The following UBR7 variants were observed in gnomAD, a reference collection of about 807,000 sequenced individuals.
UBR7 encodes the protein ubiquitin protein ligase E3 component n-recognin 7.
Under a neutral mutation model 57.0 loss-of-function variants are expected in UBR7, and 22 were observed. That is an observed-to-expected ratio of 0.39 (90% confidence interval 0.28 to 0.55). The LOEUF (loss-of-function observed/expected upper bound fraction) is 0.55, where lower values mean the gene tolerates loss of function less well. UBR7 is among the 20% of genes least tolerant of loss of function. UBR7 has a pLI of 0.69. For missense variants in UBR7, 395 were observed against 513.2 expected, an observed-to-expected ratio of 0.77 and a Z score of 2.23; for synonymous variants, 167 against 179.8, an observed-to-expected ratio of 0.93 and a Z score of 0.57.
intron 1 of UBR7, among the ~76,000 whole-genome samples, chr14:93,208,571 AAAT>A (rs1458116925): frequency 2.1e-4 from 32 of 152,176 alleles, no homozygotes; most frequent in African/African-American, 7.5e-4. Context: ...GTAAAAAAAA[AAAT>A]ACGGAAATTT....
At chr14:93,223,872 C>T (rs1894771937) in intron 10 of UBR7, 4 of 740,816 alleles carry the variant, frequency 5.4e-6, no homozygotes, top group Non-Finnish European at 9.9e-6. Context: ...TTGGGGGCGC[C>T]GCTCCGGGAG....
chr14:93,212,686 G>T (rs1346929353), intron 4 of UBR7, among the ~76,000 whole-genome samples: 1 of 152,136 alleles, frequency 6.6e-6, no homozygotes, highest in African/African-American at 2.4e-5. Flanking sequence ...TGAAAATTCT[G>T]TACACTCACT....
chr14:93,221,069 T>C, intron 9 of UBR7, among the ~76,000 whole-genome samples: 1 of 150,358 alleles, frequency 6.7e-6, no homozygotes, highest in Non-Finnish European at 1.5e-5. Flanking sequence ...CCTCAGTCTC[T>C]CAAGTAGCTG....
chr14:93,223,431 C>T (rs73340037), intron 10 of UBR7, among the ~76,000 whole-genome samples: 93 of 149,134 alleles, frequency 6.2e-4, no homozygotes, highest in African/African-American at 2.2e-3. Flanking sequence ...GGCATGGCGG[C>T]TTGTACCTGT....
At chr14:93,218,036 A>G (rs1009530587) in intron 6 of UBR7, among the ~76,000 whole-genome samples, 3 of 148,324 alleles carry the variant, frequency 2.0e-5, no homozygotes, top group Admixed American at 6.7e-5. Context: ...GGGGGTTGCA[A>G]TGAGCCAAGA....
At chr14:93,223,663 G>A (rs371313985) in intron 10 of UBR7, 4 of 1,381,698 alleles carry the variant, frequency 2.9e-6, no homozygotes, top group Non-Finnish European at 4.0e-6. Context: ...GGACCCGGTG[G>A]GGCAGCGGGA....
intron 7 of UBR7, 125 bp downstream of exon 7, chr14:93,218,860 G>T: frequency 9.9e-7 from 1 of 1,005,592 alleles, no homozygotes; most frequent in Admixed American, 2.6e-5. Context: ...TTTGAGACCA[G>T]CCTTGGCAAC....
chr14:93,227,473 C>T lies in UBR7; in HGVS notation c.*438C>T, dbSNP rs1449287902. ...CACCTAGAACCTCTACAGGTCCCCTCGCCCCTATGATCGTGGTGCCTTGGG... is the reference window on the plus strand; with the variant it reads ...CACCTAGAACCTCTACAGGTCCCCTTGCCCCTATGATCGTGGTGCCTTGGG... On this transcript the variant is annotated 3_prime_UTR_variant, in exon 11 of 11. Transcript: ENST00000013070. 1.4e-5 allele frequency: 10 copies of T among 691,030 alleles called. No homozygotes were observed. The highest frequency in any genetic ancestry group is 3.7e-4 in the Middle Eastern group (1 of 2,698). 42.8% of individuals were successfully genotyped at this position (691,030 alleles called of 1,614,324 possible).
In UBR7 at chr14:93,228,466, G is replaced by A. The variant is rs1018726484; in HGVS notation, c.*1431G>A. ...GTGTCCAGCATCTGTGTATTCATTC[G>A]AGTGCCCAATCCCTGGATGAGATGA... On this transcript the variant is annotated 3_prime_UTR_variant, in exon 11 of 11. Coordinates refer to ENST00000013070, the MANE Select transcript of UBR7 (RefSeq NM_175748.4). 1.5e-5 allele frequency: 7 copies of A among 453,906 alleles called. No homozygotes were observed. The highest frequency in any genetic ancestry group is 6.0e-5 in the African/African-American group (3 of 49,960). The allele number at this position is 453,906 out of a possible 1,614,324, so 28.1% of individuals were successfully genotyped here.
At chr14:93,215,555 G>A (rs143303593) in intron 6 of UBR7, among the ~76,000 whole-genome samples, 98 of 152,036 alleles carry the variant, frequency 6.4e-4, no homozygotes, top group African/African-American at 2.3e-3. Flanking sequence ...CTGGCGTCAC[G>A]GCGCTTGCCT....
At chr14:93,216,461 G>T (rs1276806495) in intron 6 of UBR7, among the ~76,000 whole-genome samples, 2 of 152,054 alleles carry the variant, frequency 1.3e-5, no homozygotes, top group Non-Finnish European at 2.9e-5. Flanking sequence ...TATTTTTAAG[G>T]TGGCAGTTAC....
intron 2 of UBR7, 150 bp downstream of exon 2, chr14:93,210,107 G>A (rs543421718): frequency 3.4e-5 from 15 of 443,200 alleles, no homozygotes; most frequent in African/African-American, 1.7e-4. Context: ...ATTTTGAGAC[G>A]GAGTCTTGCT....
rs767711705 is a variant in UBR7 at position 93,219,303 on chromosome 14, C to T, written c.902C>T (p.Thr301Ile). The T allele has an allele frequency of 6.8e-6, 11 of 1,614,192 alleles. No homozygotes were observed. Among genetic ancestry groups the T allele is most frequent in the Admixed American group, 1.7e-5 (1 of 60,020 alleles). The change falls in exon 8 of 11, where the codon ACT (threonine) becomes ATT (isoleucine). Residue 301 changes from threonine to isoleucine, a missense_variant. Transcript: ENST00000013070. ...LKAKQLIKKDTATYWPLNWRS... is the reference protein window; with the variant it reads ...LKAKQLIKKDIATYWPLNWRS... ...GCTAAGCAGCTTATAAAGAAAGACA[C>T]TGCCACCTATTGGCCCCTGAACTGG...
chr14:93,218,424 T>A (rs1043731539), intron 6 of UBR7, 103 bp from the exon 7 acceptor site: 93 of 914,542 alleles, frequency 1.0e-4, no homozygotes, highest in Non-Finnish European at 1.2e-4. Flanking sequence ...AAAAAAAAAA[T>A]AATAATAATA....
chr14:93,212,141 A>G lies in UBR7; in HGVS notation c.441+14A>G. On this transcript the variant is annotated intron_variant, in intron 4 of 10. Coordinates refer to ENST00000013070, the MANE Select transcript of UBR7 (RefSeq NM_175748.4). ...CCTGAAGACGAGGTAAGAGAATTGG[A>G]AGTTAAACCTGGGGGTGTGTCCCCT... 1 of 1,592,942 alleles carries G rather than the reference A, an allele frequency of 6.3e-7. No homozygotes were observed. Among genetic ancestry groups the G allele is most frequent in the Non-Finnish European group, 8.6e-7 (1 of 1,163,614 alleles).
chr14:93,213,921 C>T (rs1036307019), intron 4 of UBR7, among the ~76,000 whole-genome samples: 1 of 150,826 alleles, frequency 6.6e-6, no homozygotes, highest in African/African-American at 2.4e-5. Flanking sequence ...AACCTTAAAA[C>T]TGGATTTTTT....
chr14:93,210,709 G>A lies in UBR7; in HGVS notation c.345+1G>A. The A allele has an allele frequency of 6.2e-7, 1 of 1,607,044 alleles. No homozygotes were observed. Among genetic ancestry groups the A allele is most frequent in the Non-Finnish European group, 8.5e-7 (1 of 1,175,388 alleles). ...AAATTTGGAATGCAAATTACTTCCT[G>A]TAAGTAAGCACTGTAACTATAAATG... On this transcript the variant is annotated splice_donor_variant, in intron 3 of 10. Transcript: ENST00000013070. LOFTEE classifies it high-confidence loss of function.
Position 93,227,029 on chromosome 14 carries a change from C to T in UBR7, c.1272C>T (p.Cys424=), listed in dbSNP as rs774206527. The T allele has an allele frequency of 8.1e-6, 13 of 1,608,046 alleles. No individual in the cohort carries two copies. The East Asian group carries it at 2.7e-4, about 33-fold the overall frequency. ...GAGTGGATGGGATGCAGTATTACTG[C>T]AGCTAGAGTGGAGTATGAAGCTTTC... ...RRRVDGMQYY[C]S Residue 424 remains cysteine, a synonymous_variant, in exon 11 of 11, where the codon TGC becomes TGT. Coordinates refer to ENST00000013070, the MANE Select transcript of UBR7 (RefSeq NM_175748.4).
intron 10 of UBR7, among the ~76,000 whole-genome samples, chr14:93,225,935 A>T (rs994816491): frequency 6.6e-6 from 1 of 152,194 alleles, no homozygotes; most frequent in Admixed American, 6.5e-5. Context: ...TATCCTATTT[A>T]TTAGCATTTT....
Sources: gnomAD v4.1 joint callset for allele counts (sites outside exome capture counted in the v4.1 genomes callset) on GRCh38, gnomAD v4.1.1 for gene constraint, MANE v1.5 for transcripts, NCBI Gene and HGNC (gene_info 2026-07-23, HGNC 2026-07-21) for gene names.